SLC16A7: variants seen among roughly 807,000 people sequenced by gnomAD.
The protein encoded by SLC16A7 is solute carrier family 16 member 7, also known as monocarboxylate transporter 2.
Under a neutral mutation model 34.9 loss-of-function variants are expected in SLC16A7, and 33 were observed. The ratio of observed to expected loss-of-function variants is 0.94; its 90% confidence interval spans 0.72 to 1.26. The LOEUF is 1.26. Among genes scored for constraint, SLC16A7 ranks in the 50% most tolerant of loss-of-function variants. The pLI is 0.00. For missense variants in SLC16A7, 573 were observed against 578.1 expected, an observed-to-expected ratio of 0.99 and a Z score of 0.09; for synonymous variants, 201 against 206.6, an observed-to-expected ratio of 0.97 and a Z score of 0.23.
Position 59,637,092 on chromosome 12 carries a change from G to C in SLC16A7, c.-129-18060G>C, listed in dbSNP as rs181053909. Reference sequence around the variant, plus strand: ...GATTCAAATGTAAATCTAGCTTTCTGCTCTGGCTTAGTAGAAAGATTATCT... The same window carrying C: ...GATTCAAATGTAAATCTAGCTTTCTCCTCTGGCTTAGTAGAAAGATTATCT... On this transcript the variant is annotated intron_variant, in intron 1 of 5. Coordinates refer to ENST00000547379, the MANE Select transcript of SLC16A7 (RefSeq NM_001270623.2). Among the ~76,000 whole-genome samples the C allele has an allele frequency of 1.6e-4, 25 of 152,172 alleles. No individual in the cohort carries two copies. In the East Asian group the frequency reaches 4.3e-3, roughly 26 times the overall value.
In SLC16A7 at chr12:59,704,796, G is replaced by A. The variant is rs1411451909; in HGVS notation, c.-6G>A. The A allele has an allele frequency of 6.2e-7, 1 of 1,606,040 alleles. No individual in the cohort carries two copies. The highest frequency in any genetic ancestry group is 8.5e-7 in the Non-Finnish European group (1 of 1,173,572). ...GGTTACTTGAATTTCCACTAGAGGA[G>A]CAGAAATGCCACCAATGCCAAGTGC... On this transcript the variant is annotated 5_prime_UTR_variant, in exon 3 of 6. Transcript: ENST00000547379.
In SLC16A7 at chr12:59,775,475, G is replaced by A; in HGVS notation, c.1180G>A (p.Gly394Ser). Residue 394 changes from glycine to serine, a missense_variant and splice_region_variant, in exon 5 of 6, where the codon GGT becomes AGT. Transcript: ENST00000547379. The stretch of plus-strand genomic sequence containing the variant: ...AGTTCTTCTTGGCCCTCCTCTTGCA[G>A]GTAAGAACGTTTTTCATCAAGGAAA... ...GPVLLGPPLA[G>S]KLVDLTGEYK... 1.2e-6 allele frequency: 2 copies of A among 1,609,572 alleles called. No individual in the cohort carries two copies. Among genetic ancestry groups the A allele is most frequent in the Non-Finnish European group, 1.7e-6 (2 of 1,176,888 alleles).
At chr12:59,764,139 C>G (rs1881296931) in intron 3 of SLC16A7, 1 of 152,136 alleles carries the variant, frequency 6.6e-6, no homozygotes, top group Admixed American at 6.6e-5. Flanking sequence ...GTGTCTAGCA[C>G]TAAGGTTAGC....
At chr12:59,740,589 C>A (rs1261685085) in intron 3 of SLC16A7, among the ~76,000 whole-genome samples, 5 of 152,068 alleles carry the variant, frequency 3.3e-5, no homozygotes, top group Non-Finnish European at 4.4e-5. Flanking sequence ...CTATGACAAA[C>A]CCACAGCCAA....
chr12:59,619,917 A>G (rs1224342014), intron 1 of SLC16A7, among the ~76,000 whole-genome samples: 1 of 152,042 alleles, frequency 6.6e-6, no homozygotes, highest in African/African-American at 2.4e-5. Flanking sequence ...CAGTTTTTAC[A>G]GAAAACAATC....
chr12:59,774,829 C>T lies in SLC16A7; in HGVS notation c.534C>T (p.Phe178=). Residue 178 remains phenylalanine (F), a synonymous_variant, in exon 5 of 6, where the codon TTC becomes TTT. Transcript: ENST00000547379. ...ATACTTTTGGCTGGAAAGGAAGCTT[C>T]CTGATTTTGGGAAGTCTACTTTTGA... ...LFNTFGWKGS[F]LILGSLLLNA... 3.1e-6 allele frequency: 5 copies of T among 1,613,890 alleles called. No homozygotes were observed. Among genetic ancestry groups the T allele is most frequent in the East Asian group, 2.2e-5 (1 of 44,860 alleles).
At position 59,786,004 on chromosome 12, in the gene SLC16A7, G is replaced by A; in HGVS notation, c.*6325G>A. 1 of 135,806 alleles carries A rather than the reference G, an allele frequency of 7.4e-6. No individual in the cohort carries two copies. The highest frequency in any genetic ancestry group is 1.5e-5 in the Non-Finnish European group (1 of 65,078). 8.4% of individuals were successfully genotyped at this position (135,806 alleles called of 1,614,324 possible). A position where few individuals can be genotyped will look rare whatever the true frequency, so the allele number is the denominator to read the frequency against. On this transcript the variant is annotated 3_prime_UTR_variant, in exon 6 of 6. Coordinates refer to ENST00000547379, the MANE Select transcript of SLC16A7 (RefSeq NM_001270623.2). ...GAACAATGAGAACACATGGACACAGGAAGGGGAACATCACACTCTGGGGAC... is the reference window on the plus strand; with the variant it reads ...GAACAATGAGAACACATGGACACAGAAAGGGGAACATCACACTCTGGGGAC...
intron 4 of SLC16A7, among the ~76,000 whole-genome samples, chr12:59,772,343 T>C (rs1882314845): frequency 6.6e-6 from 1 of 152,192 alleles, no homozygotes; most frequent in South Asian, 2.1e-4. Flanking sequence ...GTAAGCATTA[T>C]CATAGTGAAG....
chr12:59,756,437 G>C (rs1473031400), intron 3 of SLC16A7, among the ~76,000 whole-genome samples: 1 of 151,794 alleles, frequency 6.6e-6, no homozygotes, highest in African/African-American at 2.4e-5. Context: ...CCATCAAAAA[G>C]TGGACGAAGG....
intron 2 of SLC16A7, among the ~76,000 whole-genome samples, chr12:59,670,799 G>C (rs1203630482): frequency 1.3e-5 from 2 of 152,190 alleles, no homozygotes; most frequent in Non-Finnish European, 2.9e-5. Context: ...CTGTGGCTCA[G>C]TACCTTGTCT....
chr12:59,787,731 G>A lies in SLC16A7; in HGVS notation c.*8052G>A, dbSNP rs1379630582. 6.6e-6 allele frequency: 1 copy of A among 152,072 alleles called. No homozygotes were observed. The highest frequency in any genetic ancestry group is 1.5e-5 in the Non-Finnish European group (1 of 68,000). The allele number at this position is 152,072 out of a possible 1,614,324, so 9.4% of individuals were successfully genotyped here. On this transcript the variant is annotated 3_prime_UTR_variant, in exon 6 of 6. Transcript: ENST00000547379. ...TCGCAGTAAAATCTTTTATGAATTGGGTGGGCCCTAAAAACATCTGTAGTA... is the reference window on the plus strand; with the variant it reads ...TCGCAGTAAAATCTTTTATGAATTGAGTGGGCCCTAAAAACATCTGTAGTA...
intron 1 of SLC16A7, among the ~76,000 whole-genome samples, chr12:59,631,270 C>G (rs918206844): frequency 1.4e-4 from 22 of 151,896 alleles, no homozygotes; most frequent in Non-Finnish European, 5.9e-5. Flanking sequence ...AAATAGTTTC[C>G]CTTCTGTACT....
At chr12:59,667,589 T>A (rs1474955154) in intron 2 of SLC16A7, among the ~76,000 whole-genome samples, 1 of 152,088 alleles carries the variant, frequency 6.6e-6, no homozygotes, top group African/African-American at 2.4e-5. Flanking sequence ...AAGTTCTAAG[T>A]GCCAAAGTGT....
intron 3 of SLC16A7, among the ~76,000 whole-genome samples, chr12:59,712,326 T>A (rs1377702272): frequency 6.6e-6 from 1 of 152,234 alleles, no homozygotes; most frequent in East Asian, 1.9e-4. Flanking sequence ...GGGTCAATAA[T>A]CATTTCTAAA....
chr12:59,670,511 A>C (rs1482617987), intron 2 of SLC16A7, among the ~76,000 whole-genome samples: 2 of 152,170 alleles, frequency 1.3e-5, no homozygotes, highest in Non-Finnish European at 2.9e-5. Context: ...TCAATTCTTA[A>C]GTGCAAATTC....
At chr12:59,646,952 T>G (rs1342626448) in intron 1 of SLC16A7, among the ~76,000 whole-genome samples, 1 of 152,200 alleles carries the variant, frequency 6.6e-6, no homozygotes, top group Admixed American at 6.5e-5. Flanking sequence ...TTTCTTCCAT[T>G]TGGAATGGGT....
At chr12:59,704,271 ATCATC>A (rs1873279009) in intron 2 of SLC16A7, among the ~76,000 whole-genome samples, 1 of 151,954 alleles carries the variant, frequency 6.6e-6, no homozygotes, top group Admixed American at 6.6e-5. Context: ...TATCTCTACA[ATCATC>A]AAAAAGCGTA....
chr12:59,722,818 G>A (rs769755207), intron 3 of SLC16A7, among the ~76,000 whole-genome samples: 7 of 151,764 alleles, frequency 4.6e-5, no homozygotes, highest in Admixed American at 1.3e-4. Flanking sequence ...AGTATTATTT[G>A]CTTTTCATTT....
chr12:59,765,041 G>C (rs1483714474), intron 3 of SLC16A7, among the ~76,000 whole-genome samples: 1 of 152,170 alleles, frequency 6.6e-6, no homozygotes, highest in Non-Finnish European at 1.5e-5. Flanking sequence ...GTGTGAGATG[G>C]TATCTCATTG....
Sources: gnomAD v4.1 joint callset for allele counts (sites outside exome capture counted in the v4.1 genomes callset) on GRCh38, gnomAD v4.1.1 for gene constraint, MANE v1.5 for transcripts, NCBI Gene and HGNC (gene_info 2026-07-23, HGNC 2026-07-21) for gene names.